Variants in CPNE4 observed in about 807,000 individuals in gnomAD.
CPNE4 encodes copine-4.
CPNE4 carries 25 observed loss-of-function variants against 67.9 expected under a neutral mutation model. The observed-to-expected ratio is 0.37, with a 90% CI of 0.27 to 0.51. The LOEUF (loss-of-function observed/expected upper bound fraction) is 0.51, where lower values mean the gene tolerates loss of function less well. Among genes scored for constraint, CPNE4 ranks in the 20% least tolerant of loss-of-function variants. The pLI is 0.93. For synonymous variants in CPNE4, 242 were observed against 244.9 expected (o/e 0.99, Z 0.11); for missense variants, 464 against 690.8 (o/e 0.67, Z 3.68).
intron 1 of CPNE4, among the ~76,000 whole-genome samples, chr3:131,961,108 AC>A (rs1298519864): frequency 6.6e-6 from 1 of 152,192 alleles, no homozygotes; most frequent in South Asian, 2.1e-4. Context: ...AATCCTGATC[AC>A]CTGGTTCTTC....
intron 2 of CPNE4, among the ~76,000 whole-genome samples, chr3:131,819,872 C>T (rs2084898644): frequency 6.6e-6 from 1 of 152,140 alleles, no homozygotes; most frequent in Non-Finnish European, 1.5e-5. Context: ...TGACCCTGCC[C>T]AAAGCGCAGG....
intron 8 of CPNE4, 51 bp from the exon 9 acceptor site, chr3:131,581,716 T>C (rs771168553): frequency 7.5e-7 from 1 of 1,329,148 alleles, no homozygotes; most frequent in Non-Finnish European, 1.1e-6. Context: ...AGCTGAGTCT[T>C]TCAATAAGGC....
chr3:131,780,762 A>T (rs879775592), intron 2 of CPNE4, among the ~76,000 whole-genome samples: 2 of 152,058 alleles, frequency 1.3e-5, no homozygotes, highest in Non-Finnish European at 2.9e-5. Context: ...ACATTTTGTC[A>T]AATGTCCAAA....
chr3:131,696,621 A>G lies in CPNE4; in HGVS notation c.433-5T>C. 6.2e-7 allele frequency: 1 copy of G among 1,613,896 alleles called. No individual in the cohort carries two copies. The highest frequency in any genetic ancestry group is 2.2e-5 in the East Asian group (1 of 44,864). On this transcript the variant is annotated splice_polypyrimidine_tract_variant and splice_region_variant and intron_variant, in intron 4 of 15. Coordinates refer to ENST00000429747, the MANE Select transcript of CPNE4 (RefSeq NM_130808.3). ...AGATAATTCTTCAGCAATCACCTAA[A>G]GGAAAAAGCACACATCAGCTGCAAT...
Position 131,564,394 on chromosome 3 carries a change from A to G in CPNE4, c.928-45T>C, listed in dbSNP as rs754715615. Reference sequence around the variant, plus strand: ...GAAAAGGTAAATTTAAAGTGGATGCATCTCCTAAGAATTGTGATCAGTCAT... The same window carrying G: ...GAAAAGGTAAATTTAAAGTGGATGCGTCTCCTAAGAATTGTGATCAGTCAT... On this transcript the variant is annotated intron_variant, in intron 10 of 15. Coordinates refer to ENST00000429747, the MANE Select transcript of CPNE4 (RefSeq NM_130808.3). The G allele has an allele frequency of 3.2e-6, 5 of 1,576,588 alleles. No individual in the cohort carries two copies. The African/African-American group carries it at 4.1e-5, about 13-fold the overall frequency.
intron 3 of CPNE4, among the ~76,000 whole-genome samples, chr3:131,701,331 A>C (rs1255043184): frequency 1.3e-5 from 2 of 152,114 alleles, no homozygotes; most frequent in East Asian, 3.8e-4. Flanking sequence ...TCTATTTAAC[A>C]TGGTCCACAA....
At chr3:132,014,627 A>G (rs538177053) in intron 1 of CPNE4, among the ~76,000 whole-genome samples, 2 of 152,282 alleles carry the variant, frequency 1.3e-5, no homozygotes, top group Non-Finnish European at 2.9e-5. Context: ...TCTTTTTAAC[A>G]TTGACATTTG....
intron 2 of CPNE4, among the ~76,000 whole-genome samples, chr3:131,775,846 C>T (rs569774766): frequency 1.3e-5 from 2 of 152,262 alleles, no homozygotes; most frequent in South Asian, 4.1e-4. Flanking sequence ...GGTTTCTCTG[C>T]ATTTGGCAGA....
In CPNE4 at chr3:131,729,675, T is replaced by C. The variant is rs148291117; in HGVS notation, c.181-6050A>G. Among the ~76,000 whole-genome samples, 490 of 152,360 alleles carry C rather than the reference T, an allele frequency of 3.2e-3. 2 individuals carry two copies. The highest frequency in any genetic ancestry group is 0.011 in the African/African-American group (467 of 41,582). On this transcript the variant is annotated intron_variant, in intron 2 of 15. Transcript: ENST00000429747. ...TAAAACTCCTTAACAGTTTGCTGGTTGTGTAAAAAGTCTCATGTGGAAACT... is the reference window on the plus strand; with the variant it reads ...TAAAACTCCTTAACAGTTTGCTGGTCGTGTAAAAAGTCTCATGTGGAAACT...
At chr3:131,544,422 C>T (rs144580400) in intron 14 of CPNE4, among the ~76,000 whole-genome samples, 1 of 152,288 alleles carries the variant, frequency 6.6e-6, no homozygotes, top group Non-Finnish European at 1.5e-5. Context: ...AAGATAGCCA[C>T]ATGTTCTGAA....
At chr3:131,951,458 C>A (rs2071717087) in intron 1 of CPNE4, among the ~76,000 whole-genome samples, 1 of 152,070 alleles carries the variant, frequency 6.6e-6, no homozygotes. Context: ...AGCCTAATTG[C>A]CACATTTTTC....
intron 1 of CPNE4, among the ~76,000 whole-genome samples, chr3:132,002,585 G>T (rs760407226): frequency 5.3e-5 from 8 of 152,112 alleles, no homozygotes; most frequent in Non-Finnish European, 7.4e-5. Context: ...TCCTCAGGAA[G>T]TTTGCAGTTT....
At chr3:131,834,690 G>A (rs2085491375) in intron 2 of CPNE4, among the ~76,000 whole-genome samples, 1 of 152,010 alleles carries the variant, frequency 6.6e-6, no homozygotes, top group Non-Finnish European at 1.5e-5. Flanking sequence ...TTAACTGATT[G>A]CTTATCTGAT....
chr3:131,764,195 A>G (rs1241720672), intron 2 of CPNE4, among the ~76,000 whole-genome samples: 1 of 152,016 alleles, frequency 6.6e-6, no homozygotes, highest in Admixed American at 6.6e-5. Context: ...TTGTGGAAAA[A>G]TGCTCAAAAT....
chr3:131,715,669 T>C (rs149768406), intron 3 of CPNE4, among the ~76,000 whole-genome samples: 12 of 152,378 alleles, frequency 7.9e-5, no homozygotes, highest in African/African-American at 2.4e-4. Flanking sequence ...GCCTGGAGTT[T>C]AAAAATTTCT....
chr3:131,574,086 C>T (rs763492932), intron 10 of CPNE4, among the ~76,000 whole-genome samples: 3 of 152,014 alleles, frequency 2.0e-5, no homozygotes, highest in South Asian at 2.1e-4. Context: ...ATATAGGTCC[C>T]GTCTACTCTC....
At chr3:132,025,935 G>A (rs1406773) in intron 1 of CPNE4, among the ~76,000 whole-genome samples, 141,521 of 152,248 alleles carry the variant, frequency 0.93, 66,056 homozygotes, top group African/African-American at 0.98. Context: ...AAGTCAATGC[G>A]TAAAGTACAA....
At chr3:131,762,641 G>C (rs7612761) in intron 2 of CPNE4, among the ~76,000 whole-genome samples, 7,734 of 152,076 alleles carry the variant, frequency 0.051, 250 homozygotes, top group African/African-American at 0.09. Flanking sequence ...GAATAGGAGA[G>C]AGCTGACATC....
chr3:131,669,521 A>G (rs1283631449), intron 7 of CPNE4, among the ~76,000 whole-genome samples, 154 bp downstream of exon 7: 1 of 152,204 alleles, frequency 6.6e-6, no homozygotes, highest in Non-Finnish European at 1.5e-5. Context: ...AGAAGAAGAA[A>G]TAGCCCTTGT....
Sources: allele counts gnomAD v4.1 joint callset (sites outside exome capture counted in the v4.1 genomes callset), GRCh38; gene constraint gnomAD v4.1.1; transcripts MANE v1.5; gene names NCBI Gene and HGNC (gene_info 2026-07-23, HGNC 2026-07-21).